ZNF251: variants seen among roughly 807,000 people sequenced by gnomAD.
ZNF251 encodes zinc finger protein 251.
A neutral mutation model predicts 13.5 loss-of-function variants in ZNF251; 14 were observed. The ratio of observed to expected loss-of-function variants is 1.04; its 90% CI spans 0.69 to 1.63. The LOEUF is 1.63. ZNF251 is among the 40% of genes most tolerant of loss of function. The pLI is 0.00. For synonymous variants in ZNF251, 287 were observed against 295.2 expected (o/e 0.97, Z 0.28); for missense variants, 764 against 834.9 (o/e 0.92, Z 1.05).
chr8:144,750,690 C>A (rs1267399810), intron 4 of ZNF251, among the ~76,000 whole-genome samples: 1 of 152,060 alleles, frequency 6.6e-6, no homozygotes, highest in African/African-American at 2.4e-5. Context: ...ATGACCGGGT[C>A]CCCCTGGAGT....
intron 4 of ZNF251, among the ~76,000 whole-genome samples, chr8:144,726,445 G>A (rs1298212492): frequency 1.3e-5 from 2 of 151,832 alleles, no homozygotes; most frequent in Non-Finnish European, 2.9e-5. Flanking sequence ...GCTGAGGCAG[G>A]AGAATTGCTT....
Position 144,755,500 on chromosome 8 carries a change from G to A in ZNF251, c.-171C>T. On this transcript the variant is annotated 5_prime_UTR_variant, in exon 1 of 5. Transcript: ENST00000292562. Reference sequence around the variant, plus strand: ...GGACCCTCCCACAGAACCGGGTCCAGAGCCGGGGAGGGGGCGGGCTAGGAT... The same window carrying A: ...GGACCCTCCCACAGAACCGGGTCCAAAGCCGGGGAGGGGGCGGGCTAGGAT... 1 of 1,286,702 alleles carries A rather than the reference G, an allele frequency of 7.8e-7. No individual in the cohort carries two copies. 79.7% of individuals were successfully genotyped at this position (1,286,702 alleles called of 1,614,324 possible).
rs1031088277 is a variant in ZNF251, at chr8:144,738,522, G to A, written c.278-15140C>T. 3.1e-6 allele frequency: 3 copies of A among 980,280 alleles called. No individual in the cohort carries two copies. The African/African-American group carries it at 5.3e-5, about 17-fold the overall frequency. 60.7% of individuals were successfully genotyped at this position (980,280 alleles called of 1,614,324 possible). A position where few individuals can be genotyped will look rare whatever the true frequency, so the allele number is the denominator to read the frequency against. ...CACACAGGGTCTTCCCAAACTCCAG[G>A]AGGGTGTGGCTTTACTCATCCCCGG... is the stretch of plus-strand genomic sequence containing the variant. On this transcript the variant is annotated intron_variant, in intron 4 of 4. Transcript: ENST00000292562.
At chr8:144,729,017 G>C (rs1313646600) in intron 4 of ZNF251, among the ~76,000 whole-genome samples, 1 of 151,214 alleles carries the variant, frequency 6.6e-6, no homozygotes, top group Non-Finnish European at 1.5e-5. Flanking sequence ...GAACCTGGGA[G>C]GCGGAGGTTG....
At position 144,722,329 on chromosome 8, in the gene ZNF251, CG is replaced by C; in HGVS notation, c.1330del (p.Arg444GlyfsTer143). ...TCGATGCTGAACAAGAGTGGAACTC[CG>C]ACGAAAGGCTTTGCCGCACTCATTA... ...VCNECGKAFR[R>X]SSTLVQHRRV... On this transcript the variant is annotated frameshift_variant, in exon 5 of 5. Transcript: ENST00000292562. LOFTEE classifies it low-confidence loss of function (END_TRUNC). This position sits in a 1 kb window ranked among gnomAD's most constrained non-coding sequence, Gnocchi z 4.8. 1 of 1,613,518 alleles carries C rather than the reference CG, an allele frequency of 6.2e-7. No homozygotes were observed. The highest frequency in any genetic ancestry group is 8.5e-7 in the Non-Finnish European group (1 of 1,179,604).
At chr8:144,725,515 C>T (rs533435835) in intron 4 of ZNF251, among the ~76,000 whole-genome samples, 6 of 152,162 alleles carry the variant, frequency 3.9e-5, no homozygotes, top group African/African-American at 1.2e-4. Context: ...TTGTCTCCAA[C>T]TCCTGACCTC....
chr8:144,725,422 C>T lies in ZNF251; in HGVS notation c.278-2040G>A, dbSNP rs1823492418. On this transcript the variant is annotated intron_variant, in intron 4 of 4. Coordinates refer to ENST00000292562, the MANE Select transcript of ZNF251 (RefSeq NM_138367.2). ...CCTCCCACTTCAGGCTCCCGAGTAG[C>T]TGGGACTACAGGTGTGCACCACCTG... Among the ~76,000 whole-genome samples, 2 of 152,078 alleles carry T rather than the reference C, an allele frequency of 1.3e-5. 1 individual carries two copies. Among genetic ancestry groups the T allele is most frequent in the South Asian group, 4.1e-4 (2 of 4,826 alleles).
chr8:144,723,982 G>A (rs745549545), intron 4 of ZNF251, among the ~76,000 whole-genome samples: 7 of 152,236 alleles, frequency 4.6e-5, no homozygotes, highest in African/African-American at 7.2e-5. Flanking sequence ...GGTGGCTCAC[G>A]CCCGTAATCC....
chr8:144,754,361 G>A (rs1279276652), intron 2 of ZNF251, 40 bp from the exon 3 acceptor site: 5 of 1,545,462 alleles, frequency 3.2e-6, no homozygotes, highest in South Asian at 1.2e-5. Context: ...CATGCCCACG[G>A]GGCAGCAGCC....
At chr8:144,727,100 T>A (rs1823542069) in intron 4 of ZNF251, among the ~76,000 whole-genome samples, 1 of 152,094 alleles carries the variant, frequency 6.6e-6, no homozygotes, top group African/African-American at 2.4e-5. Flanking sequence ...GAAGAGTGTA[T>A]GCTGTAAAAT....
chr8:144,741,150 AAGTGTCCAAAAGG>A (rs1417325451), intron 4 of ZNF251, among the ~76,000 whole-genome samples: 1 of 152,154 alleles, frequency 6.6e-6, no homozygotes, highest in African/African-American at 2.4e-5. Flanking sequence ...TGGATCTCAA[AAGTGTCCAAAAGG>A]AGCTGGCCCA....
intron 4 of ZNF251, among the ~76,000 whole-genome samples, chr8:144,753,099 C>A (rs978057304): frequency 6.6e-6 from 1 of 151,444 alleles, no homozygotes; most frequent in Non-Finnish European, 1.5e-5. Flanking sequence ...GTGGTGAAAC[C>A]TTGTCTCAAC....
At chr8:144,750,708 C>T (rs1345646335) in intron 4 of ZNF251, among the ~76,000 whole-genome samples, 3 of 152,028 alleles carry the variant, frequency 2.0e-5, no homozygotes, top group African/African-American at 7.2e-5. Flanking sequence ...AGTTTTTTTT[C>T]AGAGTTGTCC....
rs755185175 is a variant in ZNF251, at chr8:144,722,818, C to T, written c.842G>A (p.Arg281His). The T allele has an allele frequency of 5.9e-5, 96 of 1,614,016 alleles. No homozygotes were observed. The highest frequency in any genetic ancestry group is 1.6e-4 in the Middle Eastern group (1 of 6,062). The change falls in exon 5 of 5, where the codon CGT becomes CAT. Residue 281 changes from arginine to histidine, a missense_variant. Transcript: ENST00000292562. This position sits in a 1 kb window ranked among gnomAD's most constrained non-coding sequence, Gnocchi z 4.8. ...GKTFGLNSHLRLHRRIHTGEK... is the reference protein window; with the variant it reads ...GKTFGLNSHLHLHRRIHTGEK... ...TCCAGTGTGAATTCTCCGATGAAGA[C>T]GGAGGTGAGAATTGAGTCCAAAAGT...
At chr8:144,737,298 A>G (rs918748187) in intron 4 of ZNF251, among the ~76,000 whole-genome samples, 2 of 151,724 alleles carry the variant, frequency 1.3e-5, no homozygotes, top group Non-Finnish European at 2.9e-5. Context: ...GGGTTTTACT[A>G]TGTTGGCCAG....
At chr8:144,747,462 T>C (rs1416651350) in intron 4 of ZNF251, among the ~76,000 whole-genome samples, 1 of 152,244 alleles carries the variant, frequency 6.6e-6, no homozygotes, top group Non-Finnish European at 1.5e-5. Flanking sequence ...ATGTAAATTA[T>C]TCCCAGCTGA....
chr8:144,733,254 A>C (rs1823774485), intron 4 of ZNF251, among the ~76,000 whole-genome samples: 1 of 152,186 alleles, frequency 6.6e-6, no homozygotes, highest in South Asian at 2.1e-4. Context: ...ATAAAATATT[A>C]CTTAAGTTGG....
intron 4 of ZNF251, chr8:144,753,330 GGA>G (rs1458155478): frequency 6.1e-6 from 1 of 162,926 alleles, no homozygotes; most frequent in Non-Finnish European, 1.3e-5. Flanking sequence ...GGCAAATGAA[GGA>G]GAGAATGGAG....
chr8:144,749,129 C>A (rs1824569708), intron 4 of ZNF251, among the ~76,000 whole-genome samples: 2 of 152,082 alleles, frequency 1.3e-5, no homozygotes, highest in Admixed American at 6.5e-5. Context: ...CAAGCTACTG[C>A]ACTCTAGTCT....
Sources: gnomAD v4.1 joint callset for allele counts (sites outside exome capture counted in the v4.1 genomes callset) on GRCh38, gnomAD v4.1.1 for gene constraint, Gnocchi (gnomAD v3.1) non-coding constraint, MANE v1.5 for transcripts, NCBI Gene and HGNC (gene_info 2026-07-23, HGNC 2026-07-21) for gene names.